Variants in KAZN observed in about 807,000 individuals in gnomAD.
KAZN encodes kazrin, periplakin interacting protein.
In KAZN, 40 loss-of-function variants were observed where a neutral mutation model predicts 87.4. The ratio of observed to expected loss-of-function variants is 0.46; its 90% CI spans 0.36 to 0.60. The LOEUF (loss-of-function observed/expected upper bound fraction) is 0.60. Among genes scored for constraint, KAZN ranks in the 20% least tolerant of loss-of-function variants. The pLI, the probability that KAZN is intolerant of heterozygous loss-of-function variation, is 0.00. For synonymous variants in KAZN, 466 were observed against 458.3 expected (o/e 1.02, Z -0.22); for missense variants, 898 against 1,073.9 (o/e 0.84, Z 2.29).
chr1:14,991,012 G>C (rs993320120), intron 2 of KAZN, among the ~76,000 whole-genome samples: 1 of 151,748 alleles, frequency 6.6e-6, no homozygotes, highest in Non-Finnish European at 1.5e-5. Context: ...GAGATTGCCA[G>C]AAGCTACGGG....
chr1:13,964,436 C>T (rs965316934), intron 1 of KAZN, among the ~76,000 whole-genome samples: 1 of 152,226 alleles, frequency 6.6e-6, no homozygotes, highest in East Asian at 1.9e-4. Context: ...TATGTAGCCC[C>T]TAGTTCTGTA....
intron 2 of KAZN, among the ~76,000 whole-genome samples, chr1:15,016,453 A>G (rs994839661): frequency 4.6e-5 from 7 of 151,614 alleles, no homozygotes; most frequent in Non-Finnish European, 1.0e-4. Flanking sequence ...GCCCGGCTCA[A>G]TTTTGTATTT....
intron 1 of KAZN, among the ~76,000 whole-genome samples, chr1:14,706,646 A>C (rs1642225954): frequency 2.0e-5 from 3 of 152,222 alleles, no homozygotes; most frequent in Non-Finnish European, 1.5e-5. Context: ...ATTTTTTAAA[A>C]GACGTTACTT....
intron 1 of KAZN, among the ~76,000 whole-genome samples, chr1:14,012,818 G>A (rs1194396980): frequency 6.6e-6 from 1 of 152,194 alleles, no homozygotes; most frequent in African/African-American, 2.4e-5. Flanking sequence ...GGCAAAGAGA[G>A]AACCTGTCTC....
chr1:15,083,847 A>G (rs1003806079), intron 8 of KAZN, among the ~76,000 whole-genome samples: 1 of 152,102 alleles, frequency 6.6e-6, no homozygotes, highest in Non-Finnish European at 1.5e-5. Context: ...TGCCAATGTT[A>G]TGTAACCAAG....
rs144027345 is a variant in KAZN, at chr1:15,079,554, G to A, written c.1222+13801G>A. Among the ~76,000 whole-genome samples the A allele has an allele frequency of 1.9e-3, 291 of 152,008 alleles. 1 individual carries two copies. The highest frequency in any genetic ancestry group is 6.6e-3 in the African/African-American group (272 of 41,438). On this transcript the variant is annotated intron_variant, in intron 8 of 14. Coordinates refer to ENST00000376030, the MANE Select transcript of KAZN (RefSeq NM_201628.3). ...TTCCTGAAACCCACAGCCATCCATC[G>A]CCCCCAGCTTTGCCTCCAAGAGCTG...
At chr1:14,467,664 A>G (rs1411614443) in intron 2 of KAZN, among the ~76,000 whole-genome samples, 1 of 138,486 alleles carries the variant, frequency 7.2e-6, no homozygotes, top group Non-Finnish European at 1.5e-5. Flanking sequence ...TGATTCATGT[A>G]TCCAAAAGGC....
chr1:14,020,182 T>A (rs1640759744), intron 1 of KAZN, among the ~76,000 whole-genome samples: 2 of 152,068 alleles, frequency 1.3e-5, no homozygotes, highest in Admixed American at 6.6e-5. Context: ...GAGGTGGAGC[T>A]CAGGTGGTAA....
intron 1 of KAZN, among the ~76,000 whole-genome samples, chr1:14,097,205 G>A (rs1557472789): frequency 6.6e-6 from 1 of 152,286 alleles, no homozygotes; most frequent in Non-Finnish European, 1.5e-5. Context: ...TAGGAAGAAG[G>A]GAAACTAGTT....
chr1:14,999,348 A>G (rs1668217532), intron 2 of KAZN, among the ~76,000 whole-genome samples: 1 of 152,260 alleles, frequency 6.6e-6, no homozygotes, highest in South Asian at 2.1e-4. Context: ...GATGATGGCC[A>G]TGCTAATGCT....
At chr1:14,135,381 G>A (rs577595584) in intron 1 of KAZN, among the ~76,000 whole-genome samples, 1 of 152,322 alleles carries the variant, frequency 6.6e-6, no homozygotes, top group East Asian at 1.9e-4. Context: ...GCGAGGCTTT[G>A]ACTAGTTCTT....
In KAZN at chr1:14,644,870, G is replaced by A. The variant is rs767617895; in HGVS notation, c.226+45647G>A. Among the ~76,000 whole-genome samples the A allele has an allele frequency of 1.6e-4, 24 of 152,090 alleles. 1 individual carries two copies. The highest frequency in any genetic ancestry group is 3.1e-4 in the African/African-American group (13 of 41,410). On this transcript the variant is annotated intron_variant, in intron 1 of 14. Transcript: ENST00000376030. ...CTTTTGGTGTCTTTGTCGTGAAATC[G>A]TTGCCTGTTCTTTTGTCTAGAATGG...
chr1:14,628,640 C>G (rs1162252505), intron 1 of KAZN, among the ~76,000 whole-genome samples: 3 of 152,182 alleles, frequency 2.0e-5, no homozygotes, highest in Non-Finnish European at 4.4e-5. Flanking sequence ...GATACAGAAT[C>G]TATTTTCACA....
intron 1 of KAZN, among the ~76,000 whole-genome samples, chr1:14,848,815 G>A (rs989514442): frequency 2.0e-5 from 3 of 152,182 alleles, no homozygotes; most frequent in East Asian, 1.9e-4. Flanking sequence ...CCTCTTCCTC[G>A]GGCTGCACCA....
At chr1:14,196,026 A>G (rs187397346) in intron 2 of KAZN, among the ~76,000 whole-genome samples, 85 of 152,312 alleles carry the variant, frequency 5.6e-4, no homozygotes, top group Middle Eastern at 3.4e-3. Flanking sequence ...AAAAACTAAG[A>G]GAGTGGATAA....
chr1:14,974,071 G>A (rs1012928988), intron 2 of KAZN, among the ~76,000 whole-genome samples: 2 of 152,012 alleles, frequency 1.3e-5, no homozygotes, highest in African/African-American at 4.8e-5. Flanking sequence ...GGATGGCTGG[G>A]CTAAGCTGGG....
chr1:14,970,872 G>C (rs1664953125), intron 2 of KAZN, among the ~76,000 whole-genome samples: 1 of 152,192 alleles, frequency 6.6e-6, no homozygotes, highest in South Asian at 2.1e-4. Flanking sequence ...CTGTGTTCTG[G>C]GGAGGGGAGA....
intron 1 of KAZN, among the ~76,000 whole-genome samples, chr1:14,695,433 G>A (rs970804987): frequency 1.6e-4 from 24 of 151,772 alleles, no homozygotes; most frequent in South Asian, 6.3e-4. Context: ...AGAAATTATA[G>A]GAGAAGAATA....
intron 1 of KAZN, among the ~76,000 whole-genome samples, chr1:14,005,033 T>C (rs1395409606): frequency 6.6e-6 from 1 of 152,034 alleles, no homozygotes; most frequent in East Asian, 1.9e-4. Flanking sequence ...CTTTAGACTT[T>C]CCAGCCTCCA....
Sources: allele counts gnomAD v4.1 joint callset (sites outside exome capture counted in the v4.1 genomes callset), GRCh38; gene constraint gnomAD v4.1.1; transcripts MANE v1.5; gene names NCBI Gene and HGNC (gene_info 2026-07-23, HGNC 2026-07-21).